Variants in NRF1 observed in about 807,000 individuals in gnomAD.
NRF1 encodes the protein alpha palindromic-binding protein.
Under a neutral mutation model 58.5 loss-of-function variants are expected in NRF1, and 5 were observed. The ratio of observed to expected loss-of-function variants is 0.09; its 90% CI spans 0.04 to 0.18. NRF1 has a LOEUF of 0.18. Among genes scored for constraint, NRF1 ranks in the 10% least tolerant of loss-of-function variants. The pLI is 1.00. For missense variants in NRF1, 288 were observed against 657.7 expected, an observed-to-expected ratio of 0.44 and a Z score of 6.15; for synonymous variants, 224 against 246.7, an observed-to-expected ratio of 0.91 and a Z score of 0.86.
chr7:129,731,622 G>GT (rs1474815141), intron 10 of NRF1, among the ~76,000 whole-genome samples: 3 of 150,822 alleles, frequency 2.0e-5, no homozygotes, highest in African/African-American at 7.4e-5. Context: ...TTGTTTGTTT[G>GT]TTTGTTTGTT....
At chr7:129,692,968 T>C (rs1057080749) in intron 5 of NRF1, among the ~76,000 whole-genome samples, 5 of 152,238 alleles carry the variant, frequency 3.3e-5, no homozygotes, top group African/African-American at 1.2e-4. Context: ...ACATCCTCTG[T>C]GTTCTTGTCT....
chr7:129,678,913 A>T (rs1802243571), intron 4 of NRF1, among the ~76,000 whole-genome samples: 1 of 152,110 alleles, frequency 6.6e-6, no homozygotes, highest in Non-Finnish European at 1.5e-5. Context: ...GAAGATATAG[A>T]CTCTGTTAAA....
intron 1 of NRF1, among the ~76,000 whole-genome samples, chr7:129,619,433 TACACACAC>T (rs754223551): frequency 7.6e-5 from 5 of 65,862 alleles, no homozygotes; most frequent in Non-Finnish European, 1.2e-4. Flanking sequence ...TATATATATA[TACACACAC>T]ACACACATAT....
intron 5 of NRF1, among the ~76,000 whole-genome samples, chr7:129,701,436 A>G (rs1802822183): frequency 1.3e-5 from 2 of 152,166 alleles, no homozygotes; most frequent in South Asian, 4.2e-4. Flanking sequence ...CGTCTCTACT[A>G]AAAATACAAA....
At chr7:129,718,943 A>T (rs1803252253) in intron 9 of NRF1, among the ~76,000 whole-genome samples, 1 of 152,222 alleles carries the variant, frequency 6.6e-6, no homozygotes, top group Non-Finnish European at 1.5e-5. Flanking sequence ...TAAAATTCTC[A>T]TCGCGGTGTC....
At chr7:129,708,995 AT>A (rs1803011865) in intron 5 of NRF1, 79 bp from the exon 6 acceptor site, 1 of 1,196,230 alleles carries the variant, frequency 8.4e-7, no homozygotes, top group African/African-American at 1.6e-5. Context: ...TCTCTGTTTT[AT>A]AAGGTTAGAA....
At chr7:129,677,996 G>C (rs11983488) in intron 4 of NRF1, among the ~76,000 whole-genome samples, 5 of 151,514 alleles carry the variant, frequency 3.3e-5, no homozygotes, top group South Asian at 2.1e-4. Flanking sequence ...CCGGGGGAAG[G>C]GGGGAGGGGG....
intron 9 of NRF1, among the ~76,000 whole-genome samples, chr7:129,719,357 C>A (rs1803263055): frequency 6.6e-6 from 1 of 152,118 alleles, no homozygotes; most frequent in African/African-American, 2.4e-5. Flanking sequence ...GTCTCAAACT[C>A]CTAACCTCAG....
intron 8 of NRF1, among the ~76,000 whole-genome samples, chr7:129,715,314 C>T (rs2116211524): frequency 6.6e-6 from 1 of 152,298 alleles, no homozygotes; most frequent in Admixed American, 6.5e-5. Context: ...GACAGCCCCA[C>T]AACCAAGGAT....
At position 129,657,468 on chromosome 7, in the gene NRF1, T is replaced by C; in HGVS notation, c.117T>C (p.Ser39=). 6.2e-7 allele frequency: 1 copy of C among 1,613,952 alleles called. No individual in the cohort carries two copies. The highest frequency in any genetic ancestry group is 8.5e-7 in the Non-Finnish European group (1 of 1,179,990). The change falls in exon 2 of 11, where the codon AGT becomes AGC. Residue 39 remains serine, a synonymous_variant. Coordinates refer to ENST00000393232, the MANE Select transcript of NRF1 (RefSeq NM_005011.5). ...CTTACACCGAGCATAGTATGCTGAG[T>C]GCTGATGAAGACTCGCCTTCTTCTC... The part of the protein sequence containing the change: ...VATYTEHSML[S]ADEDSPSSPE...
intron 10 of NRF1, among the ~76,000 whole-genome samples, chr7:129,746,157 G>A (rs935149239): frequency 1.3e-5 from 2 of 152,200 alleles, no homozygotes; most frequent in Non-Finnish European, 2.9e-5. Context: ...TCCCCCAAAT[G>A]TACCCAAAAG....
chr7:129,751,115 A>G (rs1804105363), intron 10 of NRF1, among the ~76,000 whole-genome samples: 1 of 152,180 alleles, frequency 6.6e-6, no homozygotes, highest in African/African-American at 2.4e-5. Context: ...AAGAGGACCC[A>G]AGATGGGGAG....
intron 4 of NRF1, among the ~76,000 whole-genome samples, chr7:129,681,033 C>A (rs773572490): frequency 3.9e-5 from 6 of 152,088 alleles, no homozygotes; most frequent in Non-Finnish European, 8.8e-5. Flanking sequence ...TTAAAAGGGT[C>A]TTGAATGGGG....
intron 5 of NRF1, among the ~76,000 whole-genome samples, chr7:129,707,155 G>A (rs557328523): frequency 1.1e-4 from 16 of 151,946 alleles, no homozygotes; most frequent in African/African-American, 1.7e-4. Flanking sequence ...CACTGTAACC[G>A]ACTGAGTTTT....
chr7:129,635,594 GACCTA>G (rs1035164102), intron 1 of NRF1, among the ~76,000 whole-genome samples: 14 of 152,204 alleles, frequency 9.2e-5, no homozygotes, highest in Non-Finnish European at 2.9e-5. Context: ...GTATCCAAAT[GACCTA>G]AGACAGTCTT....
At chr7:129,629,868 TA>T in intron 1 of NRF1, among the ~76,000 whole-genome samples, 1 of 152,330 alleles carries the variant, frequency 6.6e-6, no homozygotes, top group South Asian at 2.1e-4. Flanking sequence ...TAAGTGTCAG[TA>T]GTTTTACCCC....
At chr7:129,625,820 G>T (rs923794560) in intron 1 of NRF1, among the ~76,000 whole-genome samples, 1 of 151,442 alleles carries the variant, frequency 6.6e-6, no homozygotes, top group Admixed American at 6.6e-5. Flanking sequence ...TAGCTGGGAC[G>T]TCGGGTGCCT....
chr7:129,721,829 T>C (rs1288341356), intron 9 of NRF1, among the ~76,000 whole-genome samples: 1 of 152,154 alleles, frequency 6.6e-6, no homozygotes, highest in Non-Finnish European at 1.5e-5. Flanking sequence ...TTAGACATAT[T>C]ATTAAAATAA....
intron 1 of NRF1, among the ~76,000 whole-genome samples, chr7:129,619,490 GTATATATATA>G (rs67190499): frequency 0.25 from 12,132 of 48,614 alleles, 1,279 homozygotes; most frequent in Admixed American, 0.36. Context: ...GTGTGTGTGT[GTATATATATA>G]TATATATATA....
Sources: gnomAD v4.1 joint callset for allele counts (sites outside exome capture counted in the v4.1 genomes callset) on GRCh38, gnomAD v4.1.1 for gene constraint, MANE v1.5 for transcripts, NCBI Gene and HGNC (gene_info 2026-07-23, HGNC 2026-07-21) for gene names.